Variants in NEK10 observed in about 807,000 individuals in gnomAD.
NEK10 encodes serine/threonine-protein kinase Nek10.
A neutral mutation model predicts 159.8 loss-of-function variants in NEK10; 122 were observed. The observed-to-expected ratio is 0.76, with a 90% CI of 0.66 to 0.89. The LOEUF (loss-of-function observed/expected upper bound fraction) is 0.89. NEK10 is among the 40% of genes least tolerant of loss of function. The pLI, the probability that NEK10 is intolerant of heterozygous loss-of-function variation, is 0.00. For synonymous variants in NEK10, 466 were observed against 457.1 expected (o/e 1.02, Z -0.25); for missense variants, 1,342 against 1,323.1 (o/e 1.01, Z -0.22).
At chr3:27,329,563 C>A (rs1012268187) in intron 5 of NEK10, among the ~76,000 whole-genome samples, 2 of 152,124 alleles carry the variant, frequency 1.3e-5, no homozygotes, top group Admixed American at 6.6e-5. Flanking sequence ...CTGGTGGTTA[C>A]CTGTAGCCAA....
chr3:27,161,467 A>T (rs1034721336), intron 30 of NEK10, among the ~76,000 whole-genome samples: 1 of 152,214 alleles, frequency 6.6e-6, no homozygotes, highest in African/African-American at 2.4e-5. Context: ...CTACAAAAGA[A>T]TGTGAATCAA....
chr3:27,314,634 A>G (rs749741164), intron 6 of NEK10, among the ~76,000 whole-genome samples: 1 of 152,212 alleles, frequency 6.6e-6, no homozygotes, highest in Non-Finnish European at 1.5e-5. Flanking sequence ...CGAGTTGAGA[A>G]GAGCCATTAG....
chr3:27,253,642 G>A (rs1010466274), intron 23 of NEK10, among the ~76,000 whole-genome samples: 1 of 152,052 alleles, frequency 6.6e-6, no homozygotes. Context: ...CATTCAGTAA[G>A]TTAATATCTG....
chr3:27,186,175 GC>G (rs1948602923), intron 26 of NEK10, among the ~76,000 whole-genome samples: 1 of 152,212 alleles, frequency 6.6e-6, no homozygotes, highest in Non-Finnish European at 1.5e-5. Context: ...CAGACAGGCA[GC>G]TTTGGTGATC....
intron 28 of NEK10, among the ~76,000 whole-genome samples, chr3:27,172,132 A>G (rs904127930): frequency 1.3e-5 from 2 of 151,908 alleles, no homozygotes; most frequent in African/African-American, 4.8e-5. Flanking sequence ...AGGTCAAGAG[A>G]GCGAGACCTT....
chr3:27,237,443 A>G (rs927729884), intron 23 of NEK10, among the ~76,000 whole-genome samples: 5 of 152,234 alleles, frequency 3.3e-5, no homozygotes, highest in African/African-American at 1.2e-4. Flanking sequence ...AGACAGGTGT[A>G]AGAAATTATA....
intron 23 of NEK10, among the ~76,000 whole-genome samples, chr3:27,206,853 C>G (rs1461089259): frequency 6.6e-6 from 1 of 152,114 alleles, no homozygotes; most frequent in Non-Finnish European, 1.5e-5. Flanking sequence ...AGGACAAAGG[C>G]CTGAGCATCT....
intron 23 of NEK10, among the ~76,000 whole-genome samples, chr3:27,213,394 CT>C (rs1309896537): frequency 6.6e-6 from 1 of 152,152 alleles, no homozygotes; most frequent in African/African-American, 2.4e-5. Flanking sequence ...AGCCGTTTTC[CT>C]TGGTATTTTG....
intron 22 of NEK10, among the ~76,000 whole-genome samples, chr3:27,272,552 A>G (rs2041447476): frequency 6.6e-6 from 1 of 152,166 alleles, no homozygotes; most frequent in Non-Finnish European, 1.5e-5. Flanking sequence ...CAACGAAACA[A>G]TCTACCAACA....
At chr3:27,202,099 C>A (rs1370709787) in intron 24 of NEK10, among the ~76,000 whole-genome samples, 1 of 152,060 alleles carries the variant, frequency 6.6e-6, no homozygotes, top group East Asian at 1.9e-4. Context: ...TGCAGTGAGC[C>A]AAGATCATGT....
Position 27,174,562 on chromosome 3 carries a change from T to G in NEK10, c.2690-37A>C, listed in dbSNP as rs572554302. ...TAAAAACAATAAAAAAGCAAATGAGTCTTGAAACAGGAAGGAGTCCAGAAT... is the reference window on the plus strand; with the variant it reads ...TAAAAACAATAAAAAAGCAAATGAGGCTTGAAACAGGAAGGAGTCCAGAAT... On this transcript the variant is annotated intron_variant, in intron 27 of 35. Transcript: ENST00000691995. 28 of 1,601,192 alleles carry G rather than the reference T, an allele frequency of 1.7e-5. No homozygotes were observed. The East Asian group carries it at 5.8e-4, about 33-fold the overall frequency.
chr3:27,118,548 G>A (rs1000667344), intron 33 of NEK10, among the ~76,000 whole-genome samples: 8 of 152,158 alleles, frequency 5.3e-5, no homozygotes, highest in African/African-American at 1.9e-4. Context: ...TGCTGTTTTT[G>A]CTTTTGCCCA....
Position 27,141,550 on chromosome 3 carries a change from C to T in NEK10, c.2902G>A (p.Val968Met). Reference protein sequence around the residue: ...SAGIAVSQRKVRQISDPIQQI... With the variant: ...SAGIAVSQRKMRQISDPIQQI... ...TGAATAGGATCACTGATCTGACGCA[C>T]TTTCCTCTGGGACACAGCAATTCCT... The change falls in exon 31 of 36, where the codon GTG (valine) becomes ATG (methionine). Residue 968 changes from valine to methionine, a missense_variant. Physicochemically the swap from Val to Met is conservative, Grantham distance 21 (BLOSUM62 1). Transcript: ENST00000691995. 1 of 1,613,338 alleles carries T rather than the reference C, an allele frequency of 6.2e-7. No homozygotes were observed. Among genetic ancestry groups the T allele is most frequent in the Non-Finnish European group, 8.5e-7 (1 of 1,179,496 alleles).
chr3:27,294,403 G>A (rs2043202548), intron 15 of NEK10, among the ~76,000 whole-genome samples: 3 of 152,158 alleles, frequency 2.0e-5, no homozygotes, highest in Non-Finnish European at 2.9e-5. Flanking sequence ...AGGTGAGGCC[G>A]GTAACAAAAT....
chr3:27,258,312 T>C (rs545176206), intron 22 of NEK10, among the ~76,000 whole-genome samples: 25 of 152,178 alleles, frequency 1.6e-4, no homozygotes, highest in African/African-American at 5.5e-4. Context: ...GTTGGTGTGC[T>C]GCACCCAGTA....
intron 30 of NEK10, among the ~76,000 whole-genome samples, chr3:27,161,107 AC>A (rs1945976317): frequency 6.6e-6 from 1 of 152,232 alleles, no homozygotes; most frequent in Non-Finnish European, 1.5e-5. Flanking sequence ...CTTGCACTGA[AC>A]TAAGTCAACA....
chr3:27,165,050 C>T (rs930584216), intron 29 of NEK10, among the ~76,000 whole-genome samples: 1 of 152,124 alleles, frequency 6.6e-6, no homozygotes, highest in Non-Finnish European at 1.5e-5. Flanking sequence ...TTTAGGGAAT[C>T]TTCAAAAAGA....
chr3:27,309,137 C>T (rs1452839546), intron 9 of NEK10, 132 bp from the exon 10 acceptor site: 2 of 431,278 alleles, frequency 4.6e-6, no homozygotes, highest in Admixed American at 4.2e-5. Context: ...ATCATATAGG[C>T]TTAACTGTTT....
chr3:27,202,055 G>A (rs1459370035), intron 24 of NEK10, among the ~76,000 whole-genome samples: 1 of 152,104 alleles, frequency 6.6e-6, no homozygotes, highest in Non-Finnish European at 1.5e-5. Context: ...GGAGGCTGAG[G>A]CAGGAGAATT....
Sources: gnomAD v4.1 joint callset for allele counts (sites outside exome capture counted in the v4.1 genomes callset) on GRCh38, gnomAD v4.1.1 for gene constraint, MANE v1.5 for transcripts, NCBI Gene and HGNC (gene_info 2026-07-23, HGNC 2026-07-21) for gene names.